The following ANKS1A variants were observed in gnomAD, a reference collection of about 807,000 sequenced individuals.
ANKS1A encodes ankyrin repeat and SAM domain-containing protein 1A.
A neutral mutation model predicts 120.3 loss-of-function variants in ANKS1A; 55 were observed. That is an observed-to-expected ratio of 0.46 (90% confidence interval 0.37 to 0.57). The LOEUF is 0.57. Ranked by LOEUF, ANKS1A falls within the 20% of genes least tolerant of loss-of-function variation. The pLI is 0.00. For synonymous variants in ANKS1A, 590 were observed against 604.7 expected, an observed-to-expected ratio of 0.98 and a Z score of 0.36; for missense variants, 1,123 against 1,480.3, an observed-to-expected ratio of 0.76 and a Z score of 3.96.
At chr6:34,985,705 C>T (rs1340085276) in intron 8 of ANKS1A, among the ~76,000 whole-genome samples, 1 of 152,224 alleles carries the variant, frequency 6.6e-6, no homozygotes, top group Non-Finnish European at 1.5e-5. Flanking sequence ...TTACTATCCA[C>T]TTGCCCTGAA....
intron 13 of ANKS1A, among the ~76,000 whole-genome samples, chr6:35,070,615 G>C (rs918997343): frequency 1.3e-5 from 2 of 148,680 alleles, no homozygotes; most frequent in Admixed American, 1.4e-4. Flanking sequence ...TCAGCCGCCC[G>C]AGTAGCTGGG....
rs78035066 is a variant in ANKS1A, at chr6:35,086,245, G to C, written c.3303+309G>C. The C allele has an allele frequency of 7.3e-7, 1 of 1,364,690 alleles. No individual in the cohort carries two copies. Among genetic ancestry groups the C allele is most frequent in the Non-Finnish European group, 9.6e-7 (1 of 1,036,416 alleles). 84.5% of individuals were successfully genotyped at this position (1,364,690 alleles called of 1,614,324 possible). On this transcript the variant is annotated intron_variant, in intron 22 of 23. Transcript: ENST00000360359. This position sits in a 1 kb window ranked among gnomAD's most constrained non-coding sequence, Gnocchi z 5.1. ...CAGTAACTGCGCCATCCCTGTGTCT[G>C]TGTCTGCTTTGCTCTGCACCCCAGG...
chr6:35,014,667 T>C (rs1440661337), intron 10 of ANKS1A, among the ~76,000 whole-genome samples: 1 of 152,222 alleles, frequency 6.6e-6, no homozygotes, highest in African/African-American at 2.4e-5. Context: ...CTGTGGTGTT[T>C]CCTTTCATTG....
chr6:35,016,935 C>CT (rs558659921), intron 10 of ANKS1A, among the ~76,000 whole-genome samples: 929 of 87,326 alleles, frequency 0.011, 24 homozygotes, highest in East Asian at 0.082. Context: ...ATCATGACCT[C>CT]TTTTTTTTTT....
At chr6:35,020,814 G>A (rs969380545) in intron 11 of ANKS1A, among the ~76,000 whole-genome samples, 14 of 152,170 alleles carry the variant, frequency 9.2e-5, no homozygotes, top group Non-Finnish European at 1.8e-4. Context: ...GATAAAGGTT[G>A]CAGGTGCTTA....
Position 35,086,920 on chromosome 6 carries a change from C to G in ANKS1A, c.3304-32C>G. On this transcript the variant is annotated intron_variant, in intron 22 of 23. Coordinates refer to ENST00000360359, the MANE Select transcript of ANKS1A (RefSeq NM_015245.3). This position sits in a 1 kb window ranked among gnomAD's most constrained non-coding sequence, Gnocchi z 5.1. ...GCCTCCAGCCCTGGCACAGAGCTCC[C>G]TCTGACTCTTGACTGCTTCCTTGTT... The G allele has an allele frequency of 6.2e-7, 1 of 1,609,952 alleles. No homozygotes were observed. Among genetic ancestry groups the G allele is most frequent in the Non-Finnish European group, 8.5e-7 (1 of 1,176,298 alleles).
chr6:34,941,578 CA>C (rs544171595), intron 1 of ANKS1A, among the ~76,000 whole-genome samples: 86 of 152,246 alleles, frequency 5.6e-4, no homozygotes, highest in African/African-American at 1.9e-3. Flanking sequence ...AAACTGAATA[CA>C]TTTTGACATT....
intron 1 of ANKS1A, among the ~76,000 whole-genome samples, chr6:34,966,717 T>C (rs934097152): frequency 2.6e-5 from 4 of 152,224 alleles, no homozygotes; most frequent in Non-Finnish European, 5.9e-5. Flanking sequence ...ACTCCAATTA[T>C]AGATTGTTAT....
At chr6:35,081,713 G>C (rs1387597306) in intron 17 of ANKS1A, among the ~76,000 whole-genome samples, 2 of 152,212 alleles carry the variant, frequency 1.3e-5, no homozygotes, top group Admixed American at 6.5e-5. Context: ...CTCCGCTCCC[G>C]GTGCCCGCTC....
intron 16 of ANKS1A, 128 bp downstream of exon 16, chr6:35,080,056 G>T: frequency 9.7e-7 from 1 of 1,034,750 alleles, no homozygotes; most frequent in East Asian, 2.6e-5. Context: ...AAGAAGAGAG[G>T]AGTACAGGAG....
intron 1 of ANKS1A, among the ~76,000 whole-genome samples, chr6:34,963,061 CTTG>C (rs1342180320): frequency 6.6e-6 from 1 of 151,890 alleles, no homozygotes; most frequent in East Asian, 2.0e-4. Context: ...GGGGTTTCGC[CTTG>C]TTGGCCAGGC....
chr6:34,938,835 A>C (rs1769389248), intron 1 of ANKS1A, among the ~76,000 whole-genome samples: 1 of 151,818 alleles, frequency 6.6e-6, no homozygotes, highest in African/African-American at 2.4e-5. Flanking sequence ...AAAAACTACA[A>C]AAATTTGCCG....
chr6:34,956,529 G>A (rs35285054), intron 1 of ANKS1A, among the ~76,000 whole-genome samples: 17,367 of 152,082 alleles, frequency 0.11, 1,495 homozygotes, highest in African/African-American at 0.23. Flanking sequence ...ATTATATAGG[G>A]TTATGGGATA....
chr6:34,889,741 GGCCAGGGTA>G lies in ANKS1A; in HGVS notation c.197+143_197+151del. The G allele has an allele frequency of 3.6e-6, 4 of 1,123,738 alleles. No homozygotes were observed. The highest frequency in any genetic ancestry group is 4.4e-6 in the Non-Finnish European group (4 of 909,780). The allele number at this position is 1,123,738 out of a possible 1,614,324, so 69.6% of individuals were successfully genotyped here. A position where few individuals can be genotyped will look rare whatever the true frequency, so the allele number is the denominator to read the frequency against. On this transcript the variant is annotated intron_variant, in intron 1 of 23. Transcript: ENST00000360359. This position sits in a 1 kb window ranked among gnomAD's most constrained non-coding sequence, Gnocchi z 5.5. ...CCCGGGGCGAGGCAGGCGGCCCGCGGGCCAGGGTACCGGAGGGCGCGCAGGTCCGAGTCC... is the reference window on the plus strand; with the variant it reads ...CCCGGGGCGAGGCAGGCGGCCCGCGGCCGGAGGGCGCGCAGGTCCGAGTCC...
intron 11 of ANKS1A, among the ~76,000 whole-genome samples, chr6:35,043,496 T>G (rs1373365177): frequency 6.6e-6 from 1 of 152,044 alleles, no homozygotes; most frequent in Non-Finnish European, 1.5e-5. Context: ...GTTGACTTAT[T>G]TGATGGTGAA....
In ANKS1A at chr6:35,086,429, A is replaced by G; in HGVS notation, c.3303+493A>G. 1 of 1,193,294 alleles carries G rather than the reference A, an allele frequency of 8.4e-7. No individual in the cohort carries two copies. Among genetic ancestry groups the G allele is most frequent in the South Asian group, 1.3e-5 (1 of 78,890 alleles). The allele number at this position is 1,193,294 out of a possible 1,614,324, so 73.9% of individuals were successfully genotyped here. A position where few individuals can be genotyped will look rare whatever the true frequency, so the allele number is the denominator to read the frequency against. ...CCCCGAAGTGACCGTGAGCGCTCTTAGCCTCTGGCGGCCTCTCCCTCTGCC... is the reference window on the plus strand; with the variant it reads ...CCCCGAAGTGACCGTGAGCGCTCTTGGCCTCTGGCGGCCTCTCCCTCTGCC... On this transcript the variant is annotated intron_variant, in intron 22 of 23. Transcript: ENST00000360359. The surrounding 1 kb of genome is among the most constrained non-coding windows in gnomAD (Gnocchi z 5.1).
intron 1 of ANKS1A, among the ~76,000 whole-genome samples, chr6:34,895,467 G>A (rs1460384082): frequency 1.3e-5 from 2 of 152,072 alleles, no homozygotes; most frequent in Non-Finnish European, 2.9e-5. Context: ...TTATAATGGC[G>A]TGACAGCCTT....
intron 9 of ANKS1A, 90 bp downstream of exon 9, chr6:34,989,406 ATCT>A: frequency 8.8e-7 from 1 of 1,141,598 alleles, no homozygotes; most frequent in Non-Finnish European, 1.3e-6. Context: ...TTGCTTTCTC[ATCT>A]TCTCATCAGC....
rs185632042 is a variant in ANKS1A at position 35,037,798 on chromosome 6, T to C, written c.2011-16301T>C. On this transcript the variant is annotated intron_variant, in intron 11 of 23. Transcript: ENST00000360359. Reference sequence around the variant, plus strand: ...GGGTTTAGAAATGACAAATGCCTACTGTCTGCTTTACCACCCATTAGTGGC... The same window carrying C: ...GGGTTTAGAAATGACAAATGCCTACCGTCTGCTTTACCACCCATTAGTGGC... Among the ~76,000 whole-genome samples, 29 of 152,334 alleles carry C rather than the reference T, an allele frequency of 1.9e-4. No homozygotes were observed. In the East Asian group the frequency reaches 5.0e-3, roughly 26 times the overall value.
Sources: gnomAD v4.1 joint callset for allele counts (sites outside exome capture counted in the v4.1 genomes callset) on GRCh38, gnomAD v4.1.1 for gene constraint, Gnocchi (gnomAD v3.1) non-coding constraint, MANE v1.5 for transcripts, NCBI Gene and HGNC (gene_info 2026-07-23, HGNC 2026-07-21) for gene names.